Variants in SPON1 observed in about 807,000 individuals in gnomAD.
The protein encoded by SPON1 is spondin-1.
SPON1 carries 52 observed loss-of-function variants against 111.7 expected under a neutral mutation model. That is an observed-to-expected ratio of 0.47 (90% CI 0.37 to 0.59). The LOEUF (loss-of-function observed/expected upper bound fraction) is 0.59. SPON1 is among the 20% of genes least tolerant of loss of function. SPON1 has a pLI of 0.00. For synonymous variants in SPON1, 410 were observed against 395.8 expected, an observed-to-expected ratio of 1.04 and a Z score of -0.43; for missense variants, 957 against 1,068.5, an observed-to-expected ratio of 0.90 and a Z score of 1.46.
chr11:14,199,906 C>T (rs2133896052), intron 6 of SPON1, among the ~76,000 whole-genome samples: 1 of 152,346 alleles, frequency 6.6e-6, no homozygotes, highest in African/African-American at 2.4e-5. Context: ...ACATCTGCAA[C>T]CTCATTTCCT....
chr11:14,114,649 T>G (rs1554925817), intron 5 of SPON1, among the ~76,000 whole-genome samples: 1 of 152,184 alleles, frequency 6.6e-6, no homozygotes, highest in African/African-American at 2.4e-5. Flanking sequence ...TGCCACCCTT[T>G]CATTCTCTGC....
chr11:14,224,790 G>A (rs2163463), intron 6 of SPON1: 177,803 of 480,962 alleles, frequency 0.37, 34,086 homozygotes, highest in Admixed American at 0.51. Context: ...GGGCCAAAGG[G>A]TGAGCCCTTG....
chr11:14,161,070 T>C (rs1315496595), intron 6 of SPON1, among the ~76,000 whole-genome samples: 2 of 25,056 alleles, frequency 8.0e-5, no homozygotes, highest in Non-Finnish European at 7.7e-5. Flanking sequence ...TATATATCTA[T>C]AATTTTTATA....
At chr11:14,205,185 G>A (rs1554936062) in intron 6 of SPON1, among the ~76,000 whole-genome samples, 1 of 152,094 alleles carries the variant, frequency 6.6e-6, no homozygotes, top group South Asian at 2.1e-4. Context: ...TTTTGCCTTC[G>A]GAGTACTACC....
intron 6 of SPON1, among the ~76,000 whole-genome samples, chr11:14,171,279 C>G (rs1433731820): frequency 9.2e-4 from 140 of 152,230 alleles, no homozygotes; most frequent in African/African-American, 3.3e-3. Flanking sequence ...AGTTTATTTG[C>G]GTAGAGGTGT....
chr11:14,037,546 T>C (rs1202610323), intron 2 of SPON1, among the ~76,000 whole-genome samples: 2 of 142,502 alleles, frequency 1.4e-5, no homozygotes, highest in Admixed American at 6.9e-5. Flanking sequence ...AAAAAGAATC[T>C]AGACATAGAC....
intron 3 of SPON1, among the ~76,000 whole-genome samples, chr11:14,054,288 A>T (rs1479410646): frequency 1.3e-5 from 2 of 152,242 alleles, no homozygotes; most frequent in Non-Finnish European, 2.9e-5. Context: ...TTAGAGTTTG[A>T]CAGCTGTGGT....
At chr11:14,203,592 G>A (rs1848485991) in intron 6 of SPON1, among the ~76,000 whole-genome samples, 1 of 152,212 alleles carries the variant, frequency 6.6e-6, no homozygotes, top group Non-Finnish European at 1.5e-5. Context: ...GAGACTTTGA[G>A]CTTTTAAAGA....
intron 5 of SPON1, among the ~76,000 whole-genome samples, chr11:14,097,932 A>T (rs1412367652): frequency 6.6e-6 from 1 of 151,878 alleles, no homozygotes; most frequent in Non-Finnish European, 1.5e-5. Flanking sequence ...GGCTTCCAGG[A>T]TGTTAAAGGA....
chr11:14,092,357 G>A (rs1229335519), intron 5 of SPON1, among the ~76,000 whole-genome samples: 1 of 152,194 alleles, frequency 6.6e-6, no homozygotes, highest in Admixed American at 6.5e-5. Flanking sequence ...AAGGGTCTTG[G>A]GGTTCCAAGG....
intron 3 of SPON1, among the ~76,000 whole-genome samples, chr11:14,046,081 G>T (rs1334525371): frequency 6.6e-6 from 1 of 152,162 alleles, no homozygotes; most frequent in Admixed American, 6.5e-5. Flanking sequence ...GGTGCCAGAG[G>T]AAAGTTTAAT....
chr11:14,213,492 T>C (rs1591413577), intron 6 of SPON1, among the ~76,000 whole-genome samples: 1 of 152,158 alleles, frequency 6.6e-6, no homozygotes, highest in Non-Finnish European at 1.5e-5. Context: ...AAAAATGCAC[T>C]ATTAAAAACA....
At position 14,087,123 on chromosome 11, in the gene SPON1, G is replaced by T. The variant is rs577428101; in HGVS notation, c.676+7102G>T. On this transcript the variant is annotated intron_variant, in intron 5 of 15. Transcript: ENST00000576479. ...CCTGGATTCACTGATTTTTTTTAAG[G>T]GTTTCCATGTCTCTATCTCCTTCAG... Among the ~76,000 whole-genome samples, 3 of 151,660 alleles carry T rather than the reference G, an allele frequency of 2.0e-5. No homozygotes were observed. The South Asian group carries it at 6.3e-4, about 32-fold the overall frequency.
chr11:13,963,139 C>A lies in SPON1; in HGVS notation c.235C>A (p.Arg79Ser). Residue 79 changes from arginine to serine, a missense_variant, in exon 1 of 16, where the codon CGC becomes AGC. Arg to Ser is a moderately radical substitution (Grantham distance 110). Coordinates refer to ENST00000576479, the MANE Select transcript of SPON1 (RefSeq NM_006108.4). ...PDFYKPGTSYRVTLSAAPPSY... is the reference protein window; with the variant it reads ...PDFYKPGTSYSVTLSAAPPSY... The stretch of plus-strand genomic sequence containing the variant: ...CTTCTACAAGCCGGGAACCAGCTAC[C>A]GCGGTAAGTGGCCGCCCGGCGTGGC... The A allele has an allele frequency of 6.7e-7, 1 of 1,501,810 alleles. No homozygotes were observed. 93.0% of individuals were successfully genotyped at this position (1,501,810 alleles called of 1,614,324 possible).
At chr11:14,263,756 C>T (rs1591432288) in intron 15 of SPON1, among the ~76,000 whole-genome samples, 1 of 151,880 alleles carries the variant, frequency 6.6e-6, no homozygotes, top group South Asian at 2.1e-4. Flanking sequence ...AGGCCGGGCA[C>T]GGTGGCTCAT....
intron 6 of SPON1, among the ~76,000 whole-genome samples, chr11:14,170,351 C>T (rs1448001011): frequency 6.6e-6 from 1 of 152,044 alleles, no homozygotes; most frequent in African/African-American, 2.4e-5. Flanking sequence ...ATTTTGTATC[C>T]TGAGACTTTG....
At chr11:14,136,077 T>C (rs1554928062) in intron 6 of SPON1, among the ~76,000 whole-genome samples, 1 of 152,168 alleles carries the variant, frequency 6.6e-6, no homozygotes, top group East Asian at 1.9e-4. Context: ...GCAGTCCCAC[T>C]CTCTAGGCCT....
At chr11:14,003,502 G>T (rs1288658943) in intron 2 of SPON1, among the ~76,000 whole-genome samples, 1 of 152,150 alleles carries the variant, frequency 6.6e-6, no homozygotes, top group African/African-American at 2.4e-5. Context: ...ACCTTTGTCA[G>T]TGTCTGGGAA....
intron 6 of SPON1, among the ~76,000 whole-genome samples, chr11:14,161,098 A>C (rs1447192027): frequency 4.6e-5 from 3 of 64,972 alleles, no homozygotes; most frequent in Non-Finnish European, 8.3e-5. Context: ...ATATATCTAT[A>C]TATTTTATAT....
Sources: gnomAD v4.1 joint callset for allele counts (sites outside exome capture counted in the v4.1 genomes callset) on GRCh38, gnomAD v4.1.1 for gene constraint, MANE v1.5 for transcripts, NCBI Gene and HGNC (gene_info 2026-07-23, HGNC 2026-07-21) for gene names.